The following PTPRN2 variants were observed in gnomAD, a reference collection of about 807,000 sequenced individuals.
PTPRN2 encodes protein tyrosine phosphatase receptor type N2.
In PTPRN2, 74 loss-of-function variants were observed where a neutral mutation model predicts 118.8. The ratio of observed to expected loss-of-function variants is 0.62; its 90% CI spans 0.52 to 0.76. PTPRN2 has a LOEUF of 0.76. PTPRN2 is among the 30% of genes least tolerant of loss of function. The pLI is 0.00. For missense variants in PTPRN2, 1,481 were observed against 1,394.4 expected, an observed-to-expected ratio of 1.06 and a Z score of -0.99; for synonymous variants, 641 against 608.0, an observed-to-expected ratio of 1.05 and a Z score of -0.80.
chr7:157,824,418 A>G (rs1209629023), intron 12 of PTPRN2, among the ~76,000 whole-genome samples: 1 of 152,136 alleles, frequency 6.6e-6, no homozygotes, highest in East Asian at 1.9e-4. Context: ...CTGGTGCCCC[A>G]CCTGTCCAAT....
chr7:158,471,644 C>T (rs557189213), intron 2 of PTPRN2, among the ~76,000 whole-genome samples: 67 of 152,002 alleles, frequency 4.4e-4, no homozygotes, highest in African/African-American at 1.5e-3. Context: ...GCTGAGATTG[C>T]GCCACTGCAC....
chr7:158,077,123 G>A (rs920190418), intron 11 of PTPRN2, among the ~76,000 whole-genome samples: 2 of 152,214 alleles, frequency 1.3e-5, no homozygotes, highest in South Asian at 2.1e-4. Flanking sequence ...TGTGACTAAC[G>A]CAGAACGCTG....
chr7:158,472,190 G>A (rs559712465), intron 2 of PTPRN2, among the ~76,000 whole-genome samples: 6 of 152,344 alleles, frequency 3.9e-5, no homozygotes, highest in African/African-American at 1.4e-4. Flanking sequence ...GGTCCCAGTA[G>A]CAAATCTAGA....
At chr7:157,805,323 G>A (rs1415507765) in intron 12 of PTPRN2, among the ~76,000 whole-genome samples, 2 of 149,812 alleles carry the variant, frequency 1.3e-5, no homozygotes, top group African/African-American at 4.9e-5. Context: ...GTGTGCGTGT[G>A]CAAATACATC....
At chr7:157,759,843 G>T (rs927788812) in intron 12 of PTPRN2, among the ~76,000 whole-genome samples, 1 of 152,182 alleles carries the variant, frequency 6.6e-6, no homozygotes, top group African/African-American at 2.4e-5. Flanking sequence ...GTGCTTTGGG[G>T]CACCAGCCCC....
intron 2 of PTPRN2, among the ~76,000 whole-genome samples, chr7:158,461,470 T>TG (rs757946987): frequency 1.4e-5 from 2 of 146,330 alleles, no homozygotes; most frequent in Non-Finnish European, 3.0e-5. Context: ...CACTCCAGCC[T>TG]GGGCAACAGA....
At chr7:157,555,870 C>G (rs73181279) in intron 21 of PTPRN2, among the ~76,000 whole-genome samples, 1 of 152,204 alleles carries the variant, frequency 6.6e-6, no homozygotes, top group Non-Finnish European at 1.5e-5. Context: ...AGATAAGGAA[C>G]GAAGTGGAAC....
chr7:158,306,430 G>GT (rs547447900), intron 3 of PTPRN2, among the ~76,000 whole-genome samples: 261 of 152,292 alleles, frequency 1.7e-3, no homozygotes, highest in African/African-American at 5.9e-3. Flanking sequence ...ACAGAGCTGT[G>GT]AACTGCCTGT....
intron 20 of PTPRN2, among the ~76,000 whole-genome samples, chr7:157,569,235 C>A (rs964873331): frequency 6.6e-6 from 1 of 152,252 alleles, no homozygotes. Flanking sequence ...CTTGTTCCCC[C>A]CTCTTTGGCC....
chr7:158,070,949 C>CGTGGTGGTGGAGGTGCCT (rs1554527840), intron 11 of PTPRN2, among the ~76,000 whole-genome samples: 9 of 51,134 alleles, frequency 1.8e-4, no homozygotes, highest in African/African-American at 6.6e-4. Context: ...TGGAGGTGCC[C>CGTGGTGGTGGAGGTGCCT]GTGGTGGTGG....
At chr7:158,369,161 C>T (rs1258536348) in intron 2 of PTPRN2, among the ~76,000 whole-genome samples, 1 of 151,932 alleles carries the variant, frequency 6.6e-6, no homozygotes, top group Non-Finnish European at 1.5e-5. Flanking sequence ...CCAAGTTCTT[C>T]AGCCTTGGGA....
At chr7:157,789,885 GTA>G (rs1491577680) in intron 12 of PTPRN2, among the ~76,000 whole-genome samples, 18 of 149,744 alleles carry the variant, frequency 1.2e-4, no homozygotes, top group African/African-American at 4.2e-4. Context: ...ATGTGTGCAG[GTA>G]TGTGTGTGGT....
chr7:158,138,903 G>A (rs1244535847), intron 6 of PTPRN2, among the ~76,000 whole-genome samples: 1 of 152,134 alleles, frequency 6.6e-6, no homozygotes, highest in African/African-American at 2.4e-5. Context: ...CCCTCACTTG[G>A]CAGAAGGAGA....
intron 5 of PTPRN2, among the ~76,000 whole-genome samples, chr7:158,182,037 A>G (rs932256153): frequency 7.9e-5 from 12 of 152,194 alleles, no homozygotes; most frequent in African/African-American, 2.9e-4. Flanking sequence ...ACTTTCTGAT[A>G]TAGGCATTTA....
intron 6 of PTPRN2, among the ~76,000 whole-genome samples, chr7:158,166,211 G>T: frequency 6.6e-6 from 1 of 151,890 alleles, no homozygotes; most frequent in Non-Finnish European, 1.5e-5. Context: ...AAGTGAGAAG[G>T]GAACACACAC....
intron 12 of PTPRN2, among the ~76,000 whole-genome samples, chr7:157,705,588 G>A (rs769139940): frequency 4.6e-5 from 7 of 151,920 alleles, no homozygotes; most frequent in Non-Finnish European, 8.8e-5. Flanking sequence ...GGATCAATGC[G>A]GATCACATCC....
chr7:157,827,142 G>A (rs543934782), intron 12 of PTPRN2, among the ~76,000 whole-genome samples: 2 of 152,238 alleles, frequency 1.3e-5, no homozygotes, highest in East Asian at 3.9e-4. Flanking sequence ...TTTTCTAACT[G>A]AATGTCATCC....
chr7:158,584,330 G>A (rs918187941), intron 1 of PTPRN2, among the ~76,000 whole-genome samples: 4 of 152,188 alleles, frequency 2.6e-5, no homozygotes, highest in Non-Finnish European at 5.9e-5. Context: ...AAGGGCTTAT[G>A]TTCAAGTTAA....
chr7:158,104,560 T>C (rs1815507638), intron 10 of PTPRN2, among the ~76,000 whole-genome samples: 1 of 152,088 alleles, frequency 6.6e-6, no homozygotes, highest in Admixed American at 6.5e-5. Context: ...ACAGGACTGA[T>C]GGAGGCCTTG....
Sources: gnomAD v4.1 joint callset for allele counts (sites outside exome capture counted in the v4.1 genomes callset) on GRCh38, gnomAD v4.1.1 for gene constraint, MANE v1.5 for transcripts, NCBI Gene and HGNC (gene_info 2026-07-23, HGNC 2026-07-21) for gene names.